Variants in COL7A1 observed in about 807,000 individuals in gnomAD.
The protein encoded by COL7A1 is collagen alpha-1(VII) chain.
COL7A1 carries 296 observed loss-of-function variants against 456.2 expected under a neutral mutation model. That is an observed-to-expected ratio of 0.65 (90% confidence interval 0.59 to 0.71). The LOEUF is 0.71. Ranked by LOEUF, COL7A1 falls within the 30% of genes least tolerant of loss-of-function variation. The pLI is 0.00. For missense variants in COL7A1, 3,441 were observed against 4,017.2 expected (o/e 0.86, Z 3.88); for synonymous variants, 1,464 against 1,525.9 (o/e 0.96, Z 0.95).
rs925249166 is a variant in COL7A1 at position 48,564,625 on chromosome 3, C to T, written c.8818+158G>A. 2.9e-6 allele frequency: 3 copies of T among 1,046,372 alleles called. No homozygotes were observed. Among genetic ancestry groups the T allele is most frequent in the Non-Finnish European group, 4.2e-6 (3 of 712,676 alleles). 64.8% of individuals were successfully genotyped at this position (1,046,372 alleles called of 1,614,324 possible). A position where few individuals can be genotyped will look rare whatever the true frequency, so the allele number is the denominator to read the frequency against. ...GGCTCCACGGCTGGGGCTCTATATT[C>T]AGCTCTTTGGTCTGGGCGTCTGCCC... is the stretch of plus-strand genomic sequence containing the variant. On this transcript the variant is annotated intron_variant, in intron 118 of 118. Transcript: ENST00000681320. This position sits in a 1 kb window ranked among gnomAD's most constrained non-coding sequence, Gnocchi z 6.0.
Position 48,564,541 on chromosome 3 carries a change from T to C in COL7A1, c.8819-119A>G. 7.9e-7 allele frequency: 1 copy of C among 1,263,382 alleles called. No individual in the cohort carries two copies. Among genetic ancestry groups the C allele is most frequent in the Middle Eastern group, 2.3e-4 (1 of 4,418 alleles). 78.3% of individuals were successfully genotyped at this position (1,263,382 alleles called of 1,614,324 possible). A position where few individuals can be genotyped will look rare whatever the true frequency, so the allele number is the denominator to read the frequency against. Reference sequence around the variant, plus strand: ...ACAACAGGAAGTGGGGGCTCTGACCTCAGAGGGGTCCATACTTAGGTCTTT... The same window carrying C: ...ACAACAGGAAGTGGGGGCTCTGACCCCAGAGGGGTCCATACTTAGGTCTTT... On this transcript the variant is annotated intron_variant, in intron 118 of 118. Coordinates refer to ENST00000681320, the MANE Select transcript of COL7A1 (RefSeq NM_000094.4). The surrounding 1 kb of genome is among the most constrained non-coding windows in gnomAD (Gnocchi z 6.0).
chr3:48,582,138 C>A (rs1031255777), intron 47 of COL7A1, among the ~76,000 whole-genome samples, 185 bp downstream of exon 47: 13 of 152,170 alleles, frequency 8.5e-5, no homozygotes, highest in African/African-American at 2.7e-4. Flanking sequence ...ACCTGCATGG[C>A]GGTCTTGGGG....
rs1560227781 is a variant in COL7A1, at chr3:48,579,351, A to G, written c.5307+18T>C. Reference sequence around the variant, plus strand: ...ATAACCCAGGCTCATGTCCTGAGAAACCCCCACACCCTCTCACCTTTTCTC... The same window carrying G: ...ATAACCCAGGCTCATGTCCTGAGAAGCCCCCACACCCTCTCACCTTTTCTC... On this transcript the variant is annotated intron_variant, in intron 61 of 118. Transcript: ENST00000681320. The surrounding 1 kb of genome is among the most constrained non-coding windows in gnomAD (Gnocchi z 4.4). The G allele has an allele frequency of 6.2e-7, 1 of 1,613,716 alleles. No individual in the cohort carries two copies. The highest frequency in any genetic ancestry group is 1.1e-5 in the South Asian group (1 of 91,034).
Position 48,588,154 on chromosome 3 carries a change from A to T in COL7A1, c.2710+128T>A. On this transcript the variant is annotated intron_variant, in intron 21 of 118. Transcript: ENST00000681320. The surrounding 1 kb of genome is among the most constrained non-coding windows in gnomAD (Gnocchi z 4.6). ...CCCACTTCATTGATTGATCTTACCT[A>T]CTGTCACGGATCCCGCAGACCCCCA... is the stretch of plus-strand genomic sequence containing the variant. The T allele has an allele frequency of 1.4e-6, 2 of 1,447,912 alleles. No homozygotes were observed. Among genetic ancestry groups the T allele is most frequent in the Non-Finnish European group, 1.9e-6 (2 of 1,055,518 alleles). The allele number at this position is 1,447,912 out of a possible 1,614,324, so 89.7% of individuals were successfully genotyped here.
At position 48,568,824 on chromosome 3, in the gene COL7A1, G is replaced by A. The variant is rs2043743885; in HGVS notation, c.7718C>T (p.Ser2573Leu). ...GSKGEPGDKG[S>L]AGLPGLRGLL... is the part of the protein sequence containing the mutation. The stretch of plus-strand genomic sequence containing the variant: ...TCCACGCAGTCCTGGCAACCCGGCT[G>A]AGCCCTTGTCACCAGGCTCTCCCTT... The change falls in exon 104 of 119, where the codon TCA (serine) becomes TTA (leucine). Residue 2573 changes from serine (S) to leucine (L), a missense_variant. Physicochemically the swap from Ser to Leu is moderately radical, Grantham distance 145. This residue lies in a region of COL7A1 where 2,084 missense variants were observed against 2,501.3 expected (regional missense o/e 0.83). Coordinates refer to ENST00000681320, the MANE Select transcript of COL7A1 (RefSeq NM_000094.4). This position sits in a 1 kb window ranked among gnomAD's most constrained non-coding sequence, Gnocchi z 5.2. 1 of 1,577,168 alleles carries A rather than the reference G, an allele frequency of 6.3e-7. No homozygotes were observed. Among genetic ancestry groups the A allele is most frequent in the East Asian group, 2.3e-5 (1 of 43,300 alleles).
chr3:48,576,272 G>A lies in COL7A1; in HGVS notation c.5797C>T (p.Arg1933Ter), dbSNP rs757415879. 3 of 1,613,666 alleles carry A rather than the reference G, an allele frequency of 1.9e-6. No homozygotes were observed. Among genetic ancestry groups the A allele is most frequent in the East Asian group, 2.2e-5 (1 of 44,876 alleles). ...EQGLPGERGL[R>*]GEPGSVPNVD... ...ACCGGCACACTTCCAGGCTCTCCTC[G>A]CAGGCCACGCTCTCCAGGGAGGCCC... Residue 1933 changes from arginine to a stop codon, truncating the protein, a stop_gained, in exon 71 of 119, where the codon CGA becomes TGA. Coordinates refer to ENST00000681320, the MANE Select transcript of COL7A1 (RefSeq NM_000094.4). LOFTEE classifies it high-confidence loss of function.
chr3:48,589,221 G>A, intron 18 of COL7A1, 106 bp downstream of exon 18: 3 of 1,554,138 alleles, frequency 1.9e-6, no homozygotes, highest in Non-Finnish European at 2.6e-6. Context: ...AGTGTGGACA[G>A]GACAGTCACT....
Position 48,592,072 on chromosome 3 carries a change from C to G in COL7A1, c.1240+30G>C, listed in dbSNP as rs373269924. The stretch of plus-strand genomic sequence containing the variant: ...CGGGCCTTGCCCTGCCTGCCCGTCC[C>G]AGCCTGAAGAAAGTGCCCAGCCTTC... On this transcript the variant is annotated intron_variant, in intron 10 of 118. Transcript: ENST00000681320. This position sits in a 1 kb window ranked among gnomAD's most constrained non-coding sequence, Gnocchi z 7.6. The G allele has an allele frequency of 5.2e-5, 84 of 1,614,090 alleles. No homozygotes were observed. Among genetic ancestry groups the G allele is most frequent in the Admixed American group, 2.8e-4 (17 of 60,016 alleles).
chr3:48,586,272 G>T lies in COL7A1; in HGVS notation c.3551-26C>A. The T allele has an allele frequency of 1.9e-6, 3 of 1,613,630 alleles. No individual in the cohort carries two copies. Among genetic ancestry groups the T allele is most frequent in the Non-Finnish European group, 2.5e-6 (3 of 1,179,980 alleles). On this transcript the variant is annotated intron_variant, in intron 27 of 118. Transcript: ENST00000681320. The surrounding 1 kb of genome is among the most constrained non-coding windows in gnomAD (Gnocchi z 5.1). The stretch of plus-strand genomic sequence containing the variant: ...CTAAGGTGGGGTCCAGTGGCTGCAT[G>T]ATAGCCTTTTCAGGGCCACCCCTAT...
Position 48,579,913 on chromosome 3 carries a change from G to A in COL7A1, c.5125-99C>T. On this transcript the variant is annotated intron_variant, in intron 57 of 118. Coordinates refer to ENST00000681320, the MANE Select transcript of COL7A1 (RefSeq NM_000094.4). This position sits in a 1 kb window ranked among gnomAD's most constrained non-coding sequence, Gnocchi z 4.4. ...GTGAGGGGCTCCAGGGATCCGCGGAGGTTTCAGAGGGACAGTGGGGGAAGT... is the reference window on the plus strand; with the variant it reads ...GTGAGGGGCTCCAGGGATCCGCGGAAGTTTCAGAGGGACAGTGGGGGAAGT... The A allele has an allele frequency of 1.2e-6, 2 of 1,606,756 alleles. No individual in the cohort carries two copies. Among genetic ancestry groups the A allele is most frequent in the East Asian group, 2.2e-5 (1 of 44,834 alleles).
In COL7A1 at chr3:48,579,001, G is replaced by A; in HGVS notation, c.5389-47C>T. 4 of 1,609,262 alleles carry A rather than the reference G, an allele frequency of 2.5e-6. No homozygotes were observed. In the South Asian group the frequency reaches 3.3e-5, roughly 13 times the overall value. On this transcript the variant is annotated intron_variant, in intron 62 of 118. Transcript: ENST00000681320. The surrounding 1 kb of genome is among the most constrained non-coding windows in gnomAD (Gnocchi z 4.4). ...GTTCATCATGGTCATGGGGTCAGGG[G>A]CTCTAGTCCCTGTGAGCCTAAGGCC...
At position 48,587,978 on chromosome 3, in the gene COL7A1, G is replaced by C; in HGVS notation, c.2711-39C>G. The C allele has an allele frequency of 6.4e-7, 1 of 1,555,200 alleles. No homozygotes were observed. The highest frequency in any genetic ancestry group is 8.7e-7 in the Non-Finnish European group (1 of 1,149,044). ...GAGGGTGGGGGCCAAGAGCATGTGG[G>C]ATAGTGACACCTGGGGGCATTAAAG... is the stretch of plus-strand genomic sequence containing the variant. On this transcript the variant is annotated intron_variant, in intron 21 of 118. Transcript: ENST00000681320. This position sits in a 1 kb window ranked among gnomAD's most constrained non-coding sequence, Gnocchi z 6.1.
At position 48,564,282 on chromosome 3, in the gene COL7A1, A is replaced by C. The variant is rs2043509381; in HGVS notation, c.*124T>G. On this transcript the variant is annotated 3_prime_UTR_variant, in exon 119 of 119. Transcript: ENST00000681320. The surrounding 1 kb of genome is among the most constrained non-coding windows in gnomAD (Gnocchi z 6.0). ...ACCCACGGGACCAAGTCACTGAAATAACGGACGTGCACACGCACGCTCACG... is the reference window on the plus strand; with the variant it reads ...ACCCACGGGACCAAGTCACTGAAATCACGGACGTGCACACGCACGCTCACG... 3 of 1,211,780 alleles carry C rather than the reference A, an allele frequency of 2.5e-6. No individual in the cohort carries two copies. The East Asian group carries it at 7.3e-5, about 29-fold the overall frequency. 75.1% of individuals were successfully genotyped at this position (1,211,780 alleles called of 1,614,324 possible). A position where few individuals can be genotyped will look rare whatever the true frequency, so the allele number is the denominator to read the frequency against.
rs1316599526 is a variant in COL7A1 at position 48,594,628 on chromosome 3, T to G, written c.86-80A>C. The G allele has an allele frequency of 6.8e-7, 1 of 1,476,624 alleles. No individual in the cohort carries two copies. The highest frequency in any genetic ancestry group is 1.4e-5 in the African/African-American group (1 of 71,554). The allele number at this position is 1,476,624 out of a possible 1,614,324, so 91.5% of individuals were successfully genotyped here. The stretch of plus-strand genomic sequence containing the variant: ...CCCGCACGGTGGCCTCACTGGGACT[T>G]GGGATGGTGGGGAGAGTAGGCCTCA... On this transcript the variant is annotated intron_variant, in intron 2 of 118. Coordinates refer to ENST00000681320, the MANE Select transcript of COL7A1 (RefSeq NM_000094.4). This position sits in a 1 kb window ranked among gnomAD's most constrained non-coding sequence, Gnocchi z 5.5.
In COL7A1 at chr3:48,588,054, T is replaced by C. The variant is rs188850256; in HGVS notation, c.2711-115A>G. On this transcript the variant is annotated intron_variant, in intron 21 of 118. Transcript: ENST00000681320. This position sits in a 1 kb window ranked among gnomAD's most constrained non-coding sequence, Gnocchi z 4.6. ...TAACTGGGTTCACCCTCCTGACTGA[T>C]CTTCCTCATCCTCACTGACCCTGCC... The C allele has an allele frequency of 2.2e-6, 3 of 1,382,174 alleles. No homozygotes were observed. In the Admixed American group the frequency reaches 6.1e-5, roughly 28 times the overall value. The allele number at this position is 1,382,174 out of a possible 1,614,324, so 85.6% of individuals were successfully genotyped here. A position where few individuals can be genotyped will look rare whatever the true frequency, so the allele number is the denominator to read the frequency against.
chr3:48,582,431 G>A (rs2044831557), intron 46 of COL7A1, 47 bp downstream of exon 46: 1 of 1,614,024 alleles, frequency 6.2e-7, no homozygotes, highest in South Asian at 1.1e-5. Context: ...TGTCCCATCT[G>A]CCACATCCCT....
Position 48,580,500 on chromosome 3 carries a change from G to A in COL7A1, c.5052+81C>T, listed in dbSNP as rs1226834847. On this transcript the variant is annotated intron_variant, in intron 55 of 118. Coordinates refer to ENST00000681320, the MANE Select transcript of COL7A1 (RefSeq NM_000094.4). The surrounding 1 kb of genome is among the most constrained non-coding windows in gnomAD (Gnocchi z 4.5). ...GATTGGGAGGGTTTAGCATTACAGG[G>A]TTGGGGGGTAGGATCAGGTATTGGG... The A allele has an allele frequency of 7.2e-6, 11 of 1,528,998 alleles. No individual in the cohort carries two copies. The East Asian group carries it at 2.6e-4, about 35-fold the overall frequency. 94.7% of individuals were successfully genotyped at this position (1,528,998 alleles called of 1,614,324 possible). A position where few individuals can be genotyped will look rare whatever the true frequency, so the allele number is the denominator to read the frequency against.
rs1308867208 is a variant in COL7A1, at chr3:48,570,021, G to T, written c.7486-106C>A. 6.3e-6 allele frequency: 10 copies of T among 1,594,336 alleles called. No individual in the cohort carries two copies. The African/African-American group carries it at 1.2e-4, about 19-fold the overall frequency. ...GTGGGGACCAGACAAAGGGGACAGG[G>T]GTAGACGAGGAGGGCCAGAGGGCTA... On this transcript the variant is annotated intron_variant, in intron 99 of 118. Coordinates refer to ENST00000681320, the MANE Select transcript of COL7A1 (RefSeq NM_000094.4). This position sits in a 1 kb window ranked among gnomAD's most constrained non-coding sequence, Gnocchi z 5.5.
In COL7A1 at chr3:48,590,847, G is replaced by A. The variant is rs778832141; in HGVS notation, c.1637-31C>T. On this transcript the variant is annotated intron_variant, in intron 13 of 118. Transcript: ENST00000681320. The surrounding 1 kb of genome is among the most constrained non-coding windows in gnomAD (Gnocchi z 4.6). Reference sequence around the variant, plus strand: ...AGAGAAGTCAGGGTAGGTGGGCAGGGGTCAGAAAGAGACAGGGATGTGGGA... The same window carrying A: ...AGAGAAGTCAGGGTAGGTGGGCAGGAGTCAGAAAGAGACAGGGATGTGGGA... The A allele has an allele frequency of 3.7e-6, 6 of 1,609,674 alleles. No homozygotes were observed. Among genetic ancestry groups the A allele is most frequent in the African/African-American group, 1.3e-5 (1 of 74,894 alleles).
Sources: gnomAD v4.1 joint callset for allele counts (sites outside exome capture counted in the v4.1 genomes callset) on GRCh38, gnomAD v4.1.1 for gene constraint, gnomAD v4.1.1 regional missense constraint, Gnocchi (gnomAD v3.1) non-coding constraint, MANE v1.5 for transcripts, NCBI Gene and HGNC (gene_info 2026-07-23, HGNC 2026-07-21) for gene names.